The following ARFIP1 variants were observed in gnomAD, a reference collection of about 807,000 sequenced individuals.
ARFIP1 encodes the protein ARF interacting protein 1, also known as arfaptin-1.
ARFIP1 carries 24 observed loss-of-function variants against 42.5 expected under a neutral mutation model. The observed-to-expected ratio is 0.57, with a 90% CI of 0.41 to 0.80. ARFIP1 has a LOEUF of 0.80. Ranked by LOEUF, ARFIP1 falls within the 30% of genes least tolerant of loss-of-function variation. ARFIP1 has a pLI of 0.00. For missense variants in ARFIP1, 354 were observed against 434.0 expected, an observed-to-expected ratio of 0.82 and a Z score of 1.64; for synonymous variants, 141 against 153.7, an observed-to-expected ratio of 0.92 and a Z score of 0.61.
At chr4:152,856,193 C>T (rs1024567287) in intron 2 of ARFIP1, among the ~76,000 whole-genome samples, 2 of 152,120 alleles carry the variant, frequency 1.3e-5, no homozygotes, top group Non-Finnish European at 2.9e-5. Flanking sequence ...ACTTAGCTCC[C>T]CTCCTCTCAG....
chr4:152,842,087 A>G (rs1207213982), intron 2 of ARFIP1, among the ~76,000 whole-genome samples: 1 of 152,160 alleles, frequency 6.6e-6, no homozygotes, highest in Non-Finnish European at 1.5e-5. Context: ...GTCTACCTTT[A>G]AACACGGGGC....
At chr4:152,796,393 A>G (rs995240388) in intron 1 of ARFIP1, 1 of 733,688 alleles carries the variant, frequency 1.4e-6, no homozygotes, top group African/African-American at 1.7e-5. Context: ...AGACTTCAGT[A>G]ACCATCCTCT....
Position 152,910,012 on chromosome 4 carries a change from T to G in ARFIP1, c.967-52T>G, listed in dbSNP as rs927646093. The G allele has an allele frequency of 3.8e-6, 6 of 1,574,304 alleles. No individual in the cohort carries two copies. The African/African-American group carries it at 8.2e-5, about 21-fold the overall frequency. On this transcript the variant is annotated intron_variant, in intron 8 of 8. Transcript: ENST00000353617. ...AGGAATGTAATAAATCACTCTCTAT[T>G]TTATTGTTATTGGTGTTAATGCTTG...
intron 1 of ARFIP1, chr4:152,810,291 A>T (rs1279299933): frequency 6.6e-6 from 1 of 152,250 alleles, no homozygotes; most frequent in Non-Finnish European, 1.5e-5. Flanking sequence ...AATTTTCAAG[A>T]ATTTGTAAGC....
At chr4:152,841,854 C>T (rs1011606206) in intron 2 of ARFIP1, among the ~76,000 whole-genome samples, 1 of 152,154 alleles carries the variant, frequency 6.6e-6, no homozygotes, top group African/African-American at 2.4e-5. Context: ...TGCTAGCCCA[C>T]ATGCTCCGAT....
rs11722754 is a variant in ARFIP1, at chr4:152,889,547, G to T, written c.966+1240G>T. 3.4e-4 allele frequency among the ~76,000 whole-genome samples: 37 copies of T among 110,206 alleles called. No homozygotes were observed. The South Asian group carries it at 4.8e-3, about 14-fold the overall frequency. The allele number at this position is 110,206 out of a possible 152,430, so 72.3% of individuals were successfully genotyped here. On this transcript the variant is annotated intron_variant, in intron 8 of 8. Transcript: ENST00000353617. ...TATATATATATATACACCTATTTTT[G>T]TGTGTGTGTGTATATTTATGTGTAT...
chr4:152,900,205 TAAA>T (rs1737704780), intron 8 of ARFIP1, among the ~76,000 whole-genome samples: 1 of 152,020 alleles, frequency 6.6e-6, no homozygotes, highest in Non-Finnish European at 1.5e-5. Flanking sequence ...ACTAACACTG[TAAA>T]AACATAGAAC....
At chr4:152,814,174 C>T (rs530160965) in intron 1 of ARFIP1, among the ~76,000 whole-genome samples, 18 of 150,914 alleles carry the variant, frequency 1.2e-4, no homozygotes, top group African/African-American at 3.9e-4. Flanking sequence ...ACTGCAGCCT[C>T]GACCTCCCTG....
intron 1 of ARFIP1, among the ~76,000 whole-genome samples, chr4:152,780,827 T>C (rs986397830): frequency 7.2e-5 from 11 of 152,212 alleles, no homozygotes; most frequent in African/African-American, 2.2e-4. Context: ...GAAAAGGAAA[T>C]AATTTTTTAA....
chr4:152,829,398 T>C (rs1176390712), intron 1 of ARFIP1, among the ~76,000 whole-genome samples: 2 of 152,330 alleles, frequency 1.3e-5, no homozygotes, highest in African/African-American at 4.8e-5. Flanking sequence ...CTCTGGTACC[T>C]ACAACAAATA....
chr4:152,895,651 C>G (rs1319612431), intron 8 of ARFIP1, among the ~76,000 whole-genome samples: 1 of 150,738 alleles, frequency 6.6e-6, no homozygotes, highest in East Asian at 2.0e-4. Context: ...GCCTCTACCT[C>G]CCAGGCTCAA....
intron 1 of ARFIP1, among the ~76,000 whole-genome samples, chr4:152,812,016 G>C (rs942927130): frequency 4.6e-5 from 7 of 152,008 alleles, no homozygotes; most frequent in Admixed American, 1.3e-4. Context: ...CCTACTTTAC[G>C]GCATAAAGTA....
intron 8 of ARFIP1, among the ~76,000 whole-genome samples, chr4:152,900,414 C>CT (rs1007998012): frequency 6.6e-6 from 1 of 152,066 alleles, no homozygotes; most frequent in Admixed American, 6.6e-5. Flanking sequence ...TTCTTAAGGA[C>CT]TTTTTTTAAC....
intron 7 of ARFIP1, among the ~76,000 whole-genome samples, chr4:152,885,127 C>A (rs1483034371): frequency 2.0e-5 from 3 of 152,008 alleles, no homozygotes; most frequent in Non-Finnish European, 2.9e-5. Flanking sequence ...GTTGTTAACA[C>A]TAAAACCTTG....
intron 8 of ARFIP1, among the ~76,000 whole-genome samples, chr4:152,890,664 A>G (rs900639696): frequency 6.6e-6 from 1 of 152,094 alleles, no homozygotes; most frequent in African/African-American, 2.4e-5. Flanking sequence ...GTAAGGGTAA[A>G]GGATTGGGAA....
chr4:152,897,387 A>G (rs1440804516), intron 8 of ARFIP1, among the ~76,000 whole-genome samples: 1 of 152,056 alleles, frequency 6.6e-6, no homozygotes, highest in Admixed American at 6.6e-5. Flanking sequence ...TATTTTGTAT[A>G]CAGTATTGAA....
chr4:152,838,887 C>G (rs963391257), intron 2 of ARFIP1, among the ~76,000 whole-genome samples: 4 of 152,106 alleles, frequency 2.6e-5, no homozygotes. Context: ...TTCAACTTTT[C>G]CCCATTCAGT....
At chr4:152,878,119 A>T (rs1735520757) in intron 5 of ARFIP1, among the ~76,000 whole-genome samples, 2 of 152,206 alleles carry the variant, frequency 1.3e-5, no homozygotes, top group Non-Finnish European at 1.5e-5. Flanking sequence ...TCCCAAGTAG[A>T]GAATCTACAT....
chr4:152,793,245 A>G (rs1218244222), intron 1 of ARFIP1, among the ~76,000 whole-genome samples: 1 of 151,152 alleles, frequency 6.6e-6, no homozygotes, highest in Non-Finnish European at 1.5e-5. Flanking sequence ...GGATCAGAGC[A>G]CTTAAAGAAT....
Sources: gnomAD v4.1 joint callset for allele counts (sites outside exome capture counted in the v4.1 genomes callset) on GRCh38, gnomAD v4.1.1 for gene constraint, MANE v1.5 for transcripts, NCBI Gene and HGNC (gene_info 2026-07-23, HGNC 2026-07-21) for gene names.